MCTP2: variants seen among roughly 807,000 people sequenced by gnomAD.
MCTP2 encodes the protein multiple C2 and transmembrane domain-containing protein 2.
Under a neutral mutation model 111.6 loss-of-function variants are expected in MCTP2, and 132 were observed. The observed-to-expected ratio is 1.18, with a 90% CI of 1.03 to 1.37. The LOEUF (loss-of-function observed/expected upper bound fraction) is 1.37. Ranked by LOEUF, MCTP2 falls within the 40% of genes most tolerant of loss-of-function variation. MCTP2 has a pLI of 0.00. For synonymous variants in MCTP2, 395 were observed against 387.7 expected (o/e 1.02, Z -0.22); for missense variants, 1,183 against 1,067.9 (o/e 1.11, Z -1.50).
At chr15:94,429,989 C>T (rs910591796) in intron 17 of MCTP2, among the ~76,000 whole-genome samples, 2 of 152,208 alleles carry the variant, frequency 1.3e-5, no homozygotes, top group South Asian at 4.1e-4. Flanking sequence ...CTATTTGCAA[C>T]TCCTCTGTCC....
intron 17 of MCTP2, among the ~76,000 whole-genome samples, chr15:94,413,721 T>C (rs537906981): frequency 3.3e-5 from 5 of 152,280 alleles, no homozygotes; most frequent in Admixed American, 6.5e-5. Context: ...AAAGCTATTT[T>C]ATCTAGGGAT....
intron 1 of MCTP2, chr15:94,292,768 T>G (rs1254860586): frequency 6.6e-6 from 1 of 152,162 alleles, no homozygotes; most frequent in Non-Finnish European, 1.5e-5. Context: ...ATTCTAAAAT[T>G]TATATAGAAA....
At chr15:94,364,253 G>A (rs11074268) in intron 10 of MCTP2, among the ~76,000 whole-genome samples, 20,769 of 151,898 alleles carry the variant, frequency 0.14, 1,688 homozygotes, top group African/African-American at 0.19. Flanking sequence ...TACAAGGGCT[G>A]ATTTTAGTAG....
intron 8 of MCTP2, among the ~76,000 whole-genome samples, chr15:94,350,133 C>T (rs2078225015): frequency 6.6e-6 from 1 of 152,054 alleles, no homozygotes. Context: ...CTGGGAAGGA[C>T]TAGAGTATAA....
intron 14 of MCTP2, among the ~76,000 whole-genome samples, chr15:94,391,690 G>A (rs964707995): frequency 2.6e-5 from 4 of 152,086 alleles, no homozygotes; most frequent in Admixed American, 6.6e-5. Context: ...ACAAAATAAC[G>A]CAAATTTCCT....
intron 1 of MCTP2, among the ~76,000 whole-genome samples, chr15:94,232,232 G>A (rs1040654530): frequency 6.6e-6 from 1 of 152,222 alleles, no homozygotes; most frequent in Non-Finnish European, 1.5e-5. Flanking sequence ...TCCGCAATTA[G>A]TTCCCTCCTG....
At chr15:94,390,062 A>ATGTATATATATATG (rs1567601921) in intron 14 of MCTP2, among the ~76,000 whole-genome samples, 2 of 10,264 alleles carry the variant, frequency 1.9e-4, no homozygotes, top group East Asian at 3.2e-3. Flanking sequence ...ATATATATAT[A>ATGTATATATATATG]TATATATATA....
intron 4 of MCTP2, among the ~76,000 whole-genome samples, chr15:94,326,217 C>G (rs532010090): frequency 3.9e-5 from 6 of 152,088 alleles, no homozygotes; most frequent in Admixed American, 6.5e-5. Flanking sequence ...ACATTTTTCT[C>G]TGTATTATAA....
At chr15:94,319,764 G>A (rs979677484) in intron 4 of MCTP2, among the ~76,000 whole-genome samples, 7 of 148,168 alleles carry the variant, frequency 4.7e-5, no homozygotes, top group Middle Eastern at 3.5e-3. Context: ...AATTTGTATT[G>A]GAATATAATT....
In MCTP2 at chr15:94,476,213, G is replaced by T. The variant is rs377362932; in HGVS notation, c.2471-483G>T. ...CCCGCCCTCTACCTCCCACTGCTAC[G>T]TTTGGTCCAGAGCCTCCAAGCAGGG... On this transcript the variant is annotated intron_variant, in intron 21 of 22. Coordinates refer to ENST00000357742, the MANE Select transcript of MCTP2 (RefSeq NM_001385001.1). 2.3e-4 allele frequency among the ~76,000 whole-genome samples: 35 copies of T among 152,242 alleles called. 1 individual carries two copies. The highest frequency in any genetic ancestry group is 8.4e-4 in the African/African-American group (35 of 41,536).
intron 20 of MCTP2, among the ~76,000 whole-genome samples, chr15:94,466,344 G>A (rs1359118605): frequency 6.6e-6 from 1 of 152,004 alleles, no homozygotes; most frequent in East Asian, 1.9e-4. Context: ...CATCATAGTT[G>A]ATGATGCATT....
intron 11 of MCTP2, among the ~76,000 whole-genome samples, chr15:94,368,468 G>C (rs550446376): frequency 9.2e-5 from 14 of 152,264 alleles, no homozygotes; most frequent in Non-Finnish European, 1.8e-4. Context: ...GTGCCACACA[G>C]GGAAAGCACG....
chr15:94,309,337 AATATGCAGT>A (rs1432639744), intron 2 of MCTP2, among the ~76,000 whole-genome samples: 1 of 152,254 alleles, frequency 6.6e-6, no homozygotes, highest in East Asian at 1.9e-4. Context: ...TTATAGATTA[AATATGCAGT>A]ATGTATACAT....
intron 2 of MCTP2, among the ~76,000 whole-genome samples, chr15:94,310,052 A>G (rs1372785281): frequency 1.3e-5 from 2 of 152,248 alleles, no homozygotes; most frequent in Non-Finnish European, 1.5e-5. Flanking sequence ...GTACTTGTAC[A>G]AAATTTGTTT....
intron 1 of MCTP2, among the ~76,000 whole-genome samples, chr15:94,247,675 C>T (rs925278723): frequency 1.6e-4 from 25 of 152,292 alleles, no homozygotes; most frequent in African/African-American, 5.8e-4. Flanking sequence ...GACTGATGAT[C>T]ATTACTAATT....
In MCTP2 at chr15:94,480,650, C is replaced by T. The variant is rs545325704; in HGVS notation, c.*1616C>T. 23 of 152,222 alleles carry T rather than the reference C, an allele frequency of 1.5e-4. No homozygotes were observed. Among genetic ancestry groups the T allele is most frequent in the Non-Finnish European group, 3.1e-4 (21 of 68,038 alleles). 9.4% of individuals were successfully genotyped at this position (152,222 alleles called of 1,614,324 possible). On this transcript the variant is annotated 3_prime_UTR_variant, in exon 23 of 23. Coordinates refer to ENST00000357742, the MANE Select transcript of MCTP2 (RefSeq NM_001385001.1). ...GCCTCATTGTCTTGCTTCTAACTAT[C>T]ATCTAGTTTATCATAGTCTGTCATT...
chr15:94,312,709 A>G (rs1235019521), intron 2 of MCTP2, among the ~76,000 whole-genome samples: 1 of 152,198 alleles, frequency 6.6e-6, no homozygotes, highest in African/African-American at 2.4e-5. Context: ...TCTTTGTCCT[A>G]GCCCCATGAG....
At chr15:94,238,886 T>C (rs538104332) in intron 1 of MCTP2, among the ~76,000 whole-genome samples, 36 of 152,174 alleles carry the variant, frequency 2.4e-4, no homozygotes, top group African/African-American at 8.7e-4. Context: ...AGTGGGAATA[T>C]TCATGAGAGG....
intron 10 of MCTP2, among the ~76,000 whole-genome samples, chr15:94,359,435 A>T (rs1343679775): frequency 1.3e-5 from 2 of 152,172 alleles, no homozygotes; most frequent in Non-Finnish European, 2.9e-5. Flanking sequence ...TTGTACACAG[A>T]TCTTAAATTT....
Sources: allele counts gnomAD v4.1 joint callset (sites outside exome capture counted in the v4.1 genomes callset), GRCh38; gene constraint gnomAD v4.1.1; transcripts MANE v1.5; gene names NCBI Gene and HGNC (gene_info 2026-07-23, HGNC 2026-07-21).